The following CFAP107 variants were observed in gnomAD, a reference collection of about 807,000 sequenced individuals.
CFAP107 encodes the protein cilia- and flagella-associated protein 107.
the CFAP107 span, among the ~76,000 whole-genome samples, chr1:12,749,441 TG>T: frequency 6.6e-6 from 1 of 152,124 alleles, no homozygotes; most frequent in Non-Finnish European, 1.5e-5. Flanking sequence ...TAAAACCCTA[TG>T]TCTACAAAAG....
chr1:12,758,571 G>A, the CFAP107 span, among the ~76,000 whole-genome samples: 1 of 152,130 alleles, frequency 6.6e-6, no homozygotes, highest in Non-Finnish European at 1.5e-5. Context: ...CCAGACCATA[G>A]CAGACACAGG....
At chr1:12,755,404 C>CAA in the CFAP107 span, among the ~76,000 whole-genome samples, 2,698 of 143,044 alleles carry the variant, frequency 0.019, 42 homozygotes, top group East Asian at 0.079. Context: ...ACTCCATGTC[C>CAA]AAAAAAAAAA....
the CFAP107 span, among the ~76,000 whole-genome samples, chr1:12,749,208 C>T: frequency 6.6e-6 from 1 of 152,118 alleles, no homozygotes; most frequent in Non-Finnish European, 1.5e-5. Flanking sequence ...TCTAAAGAGA[C>T]CCTCATTGAA....
At chr1:12,759,296 G>A in the CFAP107 span, 3 of 1,612,748 alleles carry the variant, frequency 1.9e-6, no homozygotes, top group Middle Eastern at 5.0e-4. Context: ...AGCCCACTGT[G>A]TCTGTCCTTC....
At chr1:12,762,594 A>T in the CFAP107 span, 1 of 152,622 alleles carries the variant, frequency 6.6e-6, no homozygotes, top group Non-Finnish European at 1.5e-5. Flanking sequence ...TGCAGGAGAC[A>T]GCTGTGGGAT....
chr1:12,762,895 A>AC, the CFAP107 span: 1 of 151,922 alleles, frequency 6.6e-6, no homozygotes, highest in Non-Finnish European at 1.5e-5. Context: ...CACATAAAAA[A>AC]ATGAACAGGG....
chr1:12,751,509 T>C, the CFAP107 span, among the ~76,000 whole-genome samples: 2 of 151,944 alleles, frequency 1.3e-5, no homozygotes, highest in African/African-American at 2.4e-5. Context: ...TGCCTGTAAT[T>C]CCAACTACTA....
At chr1:12,746,304 C>A in the CFAP107 span, 11 of 624,442 alleles carry the variant, frequency 1.8e-5, no homozygotes, top group South Asian at 2.0e-4. Flanking sequence ...CATCTACTAG[C>A]CATTCAGGAG....
chr1:12,746,278 G>T, the CFAP107 span: 2 of 538,478 alleles, frequency 3.7e-6, no homozygotes, highest in East Asian at 3.3e-5. Flanking sequence ...TTTATTCTCT[G>T]AGGTTAGCAA....
chr1:12,747,844 A>G, the CFAP107 span, among the ~76,000 whole-genome samples: 1 of 152,202 alleles, frequency 6.6e-6, no homozygotes, highest in Non-Finnish European at 1.5e-5. Context: ...TCTCACACCT[A>G]GAGAAGATTG....
At chr1:12,760,380 G>A in the CFAP107 span, among the ~76,000 whole-genome samples, 1 of 152,148 alleles carries the variant, frequency 6.6e-6, no homozygotes, top group Non-Finnish European at 1.5e-5. Flanking sequence ...ATGAGCTGCT[G>A]GTCACTCTGC....
At chr1:12,751,106 T>C in the CFAP107 span, among the ~76,000 whole-genome samples, 2 of 151,622 alleles carry the variant, frequency 1.3e-5, no homozygotes, top group Non-Finnish European at 2.9e-5. Flanking sequence ...AAATACAACA[T>C]ACCAAAACTT....
chr1:12,748,699 G>T, the CFAP107 span, among the ~76,000 whole-genome samples: 6 of 151,926 alleles, frequency 3.9e-5, no homozygotes, highest in Non-Finnish European at 5.9e-5. Context: ...GAAAAAAAAA[G>T]TGGCCCATCC....
At chr1:12,755,310 C>T in the CFAP107 span, among the ~76,000 whole-genome samples, 19 of 151,984 alleles carry the variant, frequency 1.3e-4, no homozygotes, top group African/African-American at 4.4e-4. Context: ...GAGGCTGAGA[C>T]AGGGGAATTG....
chr1:12,752,555 TAAAAA>T, the CFAP107 span, among the ~76,000 whole-genome samples: 23 of 46,662 alleles, frequency 4.9e-4, no homozygotes, highest in African/African-American at 7.5e-4. Context: ...CGACTCTGTC[TAAAAA>T]AAAAAAAAAA....
the CFAP107 span, chr1:12,755,826 G>A: frequency 1.3e-6 from 2 of 1,576,244 alleles, no homozygotes; most frequent in Non-Finnish European, 1.7e-6. Flanking sequence ...AAGAGGGAGT[G>A]GCAACTGGGA....
At chr1:12,749,707 G>A in the CFAP107 span, among the ~76,000 whole-genome samples, 1 of 152,168 alleles carries the variant, frequency 6.6e-6, no homozygotes, top group Non-Finnish European at 1.5e-5. Flanking sequence ...TACATTTAAA[G>A]TGCTGGTAAA....
chr1:12,748,471 A>C, the CFAP107 span, among the ~76,000 whole-genome samples: 2 of 151,504 alleles, frequency 1.3e-5, no homozygotes, highest in African/African-American at 4.8e-5. Flanking sequence ...TAAAAAAAAA[A>C]AAAAAAAAAC....
the CFAP107 span, among the ~76,000 whole-genome samples, chr1:12,757,270 C>A: frequency 6.6e-6 from 1 of 152,108 alleles, no homozygotes; most frequent in African/African-American, 2.4e-5. Context: ...ACTCCACCCA[C>A]CACCCCCCCG....
Sources: allele counts gnomAD v4.1 joint callset (sites outside exome capture counted in the v4.1 genomes callset), GRCh38; gene constraint gnomAD v4.1.1; transcripts MANE v1.5; gene names NCBI Gene and HGNC (gene_info 2026-07-23, HGNC 2026-07-21).